DZANK1: variants seen among roughly 807,000 people sequenced by gnomAD.
DZANK1 encodes the protein double zinc ribbon and ankyrin repeat-containing protein 1.
DZANK1 carries 91 observed loss-of-function variants against 94.5 expected under a neutral mutation model. The ratio of observed to expected loss-of-function variants is 0.96; its 90% confidence interval spans 0.81 to 1.15. DZANK1 has a LOEUF of 1.15. DZANK1 is among the 50% of genes most tolerant of loss of function. The pLI, the probability that DZANK1 is intolerant of heterozygous loss-of-function variation, is 0.00. For missense variants in DZANK1, 903 were observed against 916.4 expected, an observed-to-expected ratio of 0.99 and a Z score of 0.19; for synonymous variants, 312 against 325.3, an observed-to-expected ratio of 0.96 and a Z score of 0.44.
chr20:18,456,026 G>A (rs1054682492), intron 3 of DZANK1, among the ~76,000 whole-genome samples: 14 of 152,332 alleles, frequency 9.2e-5, no homozygotes, highest in Non-Finnish European at 1.6e-4. Context: ...CCAGCAGAAA[G>A]GTTACAAAAG....
chr20:18,452,082 T>C (rs1655246272), intron 6 of DZANK1: 1 of 355,634 alleles, frequency 2.8e-6, no homozygotes, highest in Non-Finnish European at 5.5e-6. Context: ...TTTTTTTTTT[T>C]TTTTAACGAT....
rs1236888549 is a variant in DZANK1 at position 18,427,179 on chromosome 20, A to G, written c.862-20T>C. 19 of 1,588,086 alleles carry G rather than the reference A, an allele frequency of 1.2e-5. No individual in the cohort carries two copies. The highest frequency in any genetic ancestry group is 1.6e-5 in the Non-Finnish European group (19 of 1,158,706). On this transcript the variant is annotated intron_variant, in intron 9 of 20. Coordinates refer to ENST00000262547, the Ensembl canonical transcript of DZANK1. Reference sequence around the variant, plus strand: ...CTTCTCCTTAACAACAAAAAATAAGACATACATGTTCCTCTGAGCAAACAA... The same window carrying G: ...CTTCTCCTTAACAACAAAAAATAAGGCATACATGTTCCTCTGAGCAAACAA...
intron 7 of DZANK1, 56 bp downstream of exon 7, chr20:18,448,928 G>C: frequency 9.5e-7 from 1 of 1,048,340 alleles, no homozygotes. Context: ...AATTCTCTTT[G>C]ACCATGATGT....
intron 3 of DZANK1, among the ~76,000 whole-genome samples, chr20:18,456,980 CA>C (rs1282614725): frequency 6.6e-6 from 1 of 152,140 alleles, no homozygotes; most frequent in African/African-American, 2.4e-5. Flanking sequence ...CAGAAACTGC[CA>C]AACTGTGGCT....
At chr20:18,390,804 T>G (rs142642698) in intron 17 of DZANK1, among the ~76,000 whole-genome samples, 2 of 152,332 alleles carry the variant, frequency 1.3e-5, no homozygotes, top group East Asian at 3.9e-4. Context: ...AAAATTTATT[T>G]TGCATACTTT....
intron 13 of DZANK1, among the ~76,000 whole-genome samples, chr20:18,407,188 A>G (rs1461375230): frequency 2.0e-5 from 3 of 152,126 alleles, no homozygotes. Context: ...GTATGACCCA[A>G]CTCAGTCCCA....
exon 21 of DZANK1, chr20:18,383,466 A>C (rs1469126137): frequency 1.3e-5 from 2 of 152,218 alleles, no homozygotes; most frequent in African/African-American, 4.8e-5. Context: ...AAAAAATTTA[A>C]ATAAGGTCAA....
At chr20:18,411,474 A>G (rs892112376) in intron 13 of DZANK1, among the ~76,000 whole-genome samples, 1 of 152,226 alleles carries the variant, frequency 6.6e-6, no homozygotes, top group Non-Finnish European at 1.5e-5. Context: ...TATAAAAAGT[A>G]AAGAGTAATC....
chr20:18,421,121 T>G (rs1170903373), intron 10 of DZANK1: 1 of 154,802 alleles, frequency 6.5e-6, no homozygotes, highest in African/African-American at 2.4e-5. Context: ...GGTTCTACAA[T>G]ATATCTACAT....
intron 7 of DZANK1, among the ~76,000 whole-genome samples, chr20:18,447,345 G>A (rs1490169012): frequency 6.6e-6 from 1 of 152,116 alleles, no homozygotes; most frequent in Non-Finnish European, 1.5e-5. Context: ...CGGGCATAGT[G>A]GCGCATGCCT....
At chr20:18,433,579 G>T in intron 9 of DZANK1, 73 bp downstream of exon 9, 2 of 1,409,432 alleles carry the variant, frequency 1.4e-6, no homozygotes, top group Non-Finnish European at 9.9e-7. Flanking sequence ...CCCACTAGCT[G>T]AAAAAGGACA....
chr20:18,439,020 G>A (rs1473569169), intron 8 of DZANK1, among the ~76,000 whole-genome samples: 3 of 152,154 alleles, frequency 2.0e-5, no homozygotes, highest in Non-Finnish European at 4.4e-5. Flanking sequence ...TCCATAGCAT[G>A]GACATAACAA....
At chr20:18,431,576 G>C (rs1426091705) in intron 9 of DZANK1, among the ~76,000 whole-genome samples, 1 of 152,098 alleles carries the variant, frequency 6.6e-6, no homozygotes, top group Non-Finnish European at 1.5e-5. Flanking sequence ...GTCAGGCCAG[G>C]GTTTCCAAAC....
At chr20:18,391,044 A>G (rs2055945171) in intron 17 of DZANK1, among the ~76,000 whole-genome samples, 1 of 152,084 alleles carries the variant, frequency 6.6e-6, no homozygotes, top group South Asian at 2.1e-4. Context: ...GAAAATATAA[A>G]AATTAGCCAC....
chr20:18,444,997 T>C (rs866836332), intron 7 of DZANK1, among the ~76,000 whole-genome samples: 57 of 151,410 alleles, frequency 3.8e-4, no homozygotes, highest in Non-Finnish European at 2.5e-4. Context: ...TTAGTAGAGA[T>C]GGGGTTTCAC....
At position 18,456,824 on chromosome 20, in the gene DZANK1, G is replaced by A. The variant is rs921655092; in HGVS notation, c.264-1463C>T. ...TCCATTCCCCAGCTGATGGTCATTT[G>A]GATTATTTCTGGGTTTGGGCTATTA... On this transcript the variant is annotated intron_variant, in intron 3 of 20. Coordinates refer to ENST00000262547, the Ensembl canonical transcript of DZANK1. Among the ~76,000 whole-genome samples, 7 of 152,008 alleles carry A rather than the reference G, an allele frequency of 4.6e-5. No homozygotes were observed. In the East Asian group the frequency reaches 1.2e-3, roughly 25 times the overall value.
intron 2 of DZANK1, among the ~76,000 whole-genome samples, chr20:18,462,589 TAAAAAGTC>T: frequency 6.6e-6 from 1 of 152,072 alleles, no homozygotes. Context: ...TGGCCTTTGT[TAAAAAGTC>T]AAAAACTAAC....
At chr20:18,414,265 G>T (rs2057385072) in intron 12 of DZANK1, 83 bp downstream of exon 12, 8 of 1,501,740 alleles carry the variant, frequency 5.3e-6, no homozygotes, top group Non-Finnish European at 7.2e-6. Flanking sequence ...CTCTTCCCCG[G>T]GTTGATTCAC....
intron 13 of DZANK1, among the ~76,000 whole-genome samples, chr20:18,411,461 A>T (rs2057252685): frequency 6.6e-6 from 1 of 152,224 alleles, no homozygotes; most frequent in African/African-American, 2.4e-5. Context: ...ATCTGAACAG[A>T]CCTATAAAAA....
Sources: allele counts gnomAD v4.1 joint callset (sites outside exome capture counted in the v4.1 genomes callset), GRCh38; gene constraint gnomAD v4.1.1; transcripts MANE v1.5; gene names NCBI Gene and HGNC (gene_info 2026-07-23, HGNC 2026-07-21).